PARD3: variants seen among roughly 807,000 people sequenced by gnomAD.
PARD3 encodes partitioning defective 3 homolog.
Under a neutral mutation model 155.4 loss-of-function variants are expected in PARD3, and 75 were observed. The observed-to-expected ratio is 0.48, with a 90% CI of 0.40 to 0.58. The LOEUF is 0.58. Among genes scored for constraint, PARD3 ranks in the 20% least tolerant of loss-of-function variants. The probability of loss-of-function intolerance (pLI) is 0.00; values close to 1 mark genes in which losing one functional copy is unlikely to be tolerated. For missense variants in PARD3, 1,642 were observed against 1,721.7 expected (o/e 0.95, Z 0.82); for synonymous variants, 576 against 610.5 (o/e 0.94, Z 0.83).
At chr10:34,779,028 A>G (rs1839924855) in intron 1 of PARD3, among the ~76,000 whole-genome samples, 1 of 152,330 alleles carries the variant, frequency 6.6e-6, no homozygotes, top group African/African-American at 2.4e-5. Context: ...AAACTAAAGC[A>G]GGCTGGGCAC....
chr10:34,308,544 G>A (rs572241009), intron 20 of PARD3, among the ~76,000 whole-genome samples: 4 of 152,304 alleles, frequency 2.6e-5, no homozygotes, highest in African/African-American at 9.6e-5. Flanking sequence ...AACCAACTGA[G>A]AAGACAGAAC....
chr10:34,690,135 G>C (rs562228939), intron 2 of PARD3, among the ~76,000 whole-genome samples: 50 of 152,200 alleles, frequency 3.3e-4, no homozygotes, highest in Non-Finnish European at 4.7e-4. Flanking sequence ...GTAGAGATGG[G>C]ATTTCGCCAT....
rs529029103 is a variant in PARD3, at chr10:34,110,696, G to C, written c.*473C>G. 6.5e-6 allele frequency: 1 copy of C among 153,140 alleles called. No individual in the cohort carries two copies. Among genetic ancestry groups the C allele is most frequent in the East Asian group, 1.9e-4 (1 of 5,194 alleles). 9.5% of individuals were successfully genotyped at this position (153,140 alleles called of 1,614,324 possible). Reference sequence around the variant, plus strand: ...AAAGTACGACAAATGGCTGTGCTGTGAAGTACCAGAAAGCCCCAATTTTTG... The same window carrying C: ...AAAGTACGACAAATGGCTGTGCTGTCAAGTACCAGAAAGCCCCAATTTTTG... On this transcript the variant is annotated 3_prime_UTR_variant, in exon 25 of 25. Coordinates refer to ENST00000374788, the MANE Select transcript of PARD3 (RefSeq NM_001184785.2).
intron 22 of PARD3, among the ~76,000 whole-genome samples, chr10:34,160,988 G>A (rs1949250773): frequency 6.6e-6 from 1 of 152,162 alleles, no homozygotes; most frequent in African/African-American, 2.4e-5. Context: ...AGGTGTGGTG[G>A]CTCATGCCTG....
chr10:34,653,794 C>CAAAA (rs55894819), intron 2 of PARD3, among the ~76,000 whole-genome samples: 7 of 130,280 alleles, frequency 5.4e-5, no homozygotes, highest in East Asian at 2.2e-4. Flanking sequence ...ACCTCGACTC[C>CAAAA]AAAAAAAAAA....
At chr10:34,220,826 T>C (rs1410323738) in intron 22 of PARD3, among the ~76,000 whole-genome samples, 1 of 152,200 alleles carries the variant, frequency 6.6e-6, no homozygotes, top group Non-Finnish European at 1.5e-5. Context: ...CAGTTTGAAT[T>C]AGTTAAATGG....
At chr10:34,787,106 G>C (rs7912526) in intron 1 of PARD3, among the ~76,000 whole-genome samples, 53,658 of 152,000 alleles carry the variant, frequency 0.35, 10,612 homozygotes, top group African/African-American at 0.55. Flanking sequence ...GATAGGCCAG[G>C]CACAGTGGCT....
chr10:34,355,946 ACAAAACAAAACCAAAC>A (rs1211508607), intron 14 of PARD3, among the ~76,000 whole-genome samples: 3 of 103,936 alleles, frequency 2.9e-5, no homozygotes, highest in Middle Eastern at 4.3e-3. Context: ...AAAAAAAAAA[ACAAAACAAAACCAAAC>A]AAAAAAACAG....
intron 2 of PARD3, among the ~76,000 whole-genome samples, chr10:34,665,002 A>G (rs2093415051): frequency 6.6e-6 from 1 of 151,862 alleles, no homozygotes; most frequent in South Asian, 2.1e-4. Flanking sequence ...AGAGAGGGAG[A>G]GACAGAGACA....
At chr10:34,382,388 A>T (rs1841950790) in intron 9 of PARD3, 152 bp downstream of exon 9, 3 of 717,774 alleles carry the variant, frequency 4.2e-6, no homozygotes, top group Non-Finnish European at 6.8e-6. Context: ...AAGTAACTTT[A>T]AAAAATCTAT....
intron 20 of PARD3, among the ~76,000 whole-genome samples, chr10:34,299,794 C>T (rs1034409218): frequency 1.3e-5 from 2 of 152,072 alleles, no homozygotes; most frequent in African/African-American, 4.8e-5. Flanking sequence ...TAGTGGTAAC[C>T]CATTTAAAGA....
At chr10:34,431,990 C>T (rs1307438683) in intron 5 of PARD3, among the ~76,000 whole-genome samples, 1 of 120,322 alleles carries the variant, frequency 8.3e-6, no homozygotes, top group Non-Finnish European at 1.6e-5. Context: ...TGCAGTGAGC[C>T]GAGATCACGC....
intron 22 of PARD3, among the ~76,000 whole-genome samples, chr10:34,135,672 C>T (rs1046368172): frequency 2.0e-5 from 3 of 152,194 alleles, no homozygotes; most frequent in African/African-American, 7.2e-5. Flanking sequence ...CTGTGCCCCA[C>T]AGGCAAGCCA....
At chr10:34,806,361 A>G (rs117140457) in intron 1 of PARD3, among the ~76,000 whole-genome samples, 2,309 of 152,026 alleles carry the variant, frequency 0.015, 28 homozygotes, top group Non-Finnish European at 0.022. Context: ...ATGCCCAGCT[A>G]TTTTTTGTAC....
chr10:34,337,918 A>T (rs993398098), intron 16 of PARD3, among the ~76,000 whole-genome samples: 8 of 152,262 alleles, frequency 5.3e-5, no homozygotes, highest in Non-Finnish European at 8.8e-5. Context: ...AAATGCCATT[A>T]TGGCATGCCA....
intron 1 of PARD3, among the ~76,000 whole-genome samples, chr10:34,704,719 A>C (rs960784676): frequency 6.6e-6 from 1 of 152,250 alleles, no homozygotes; most frequent in African/African-American, 2.4e-5. Context: ...GTGCTATCTG[A>C]TCATGTGCAC....
intron 5 of PARD3, among the ~76,000 whole-genome samples, chr10:34,403,290 A>G (rs975146046): frequency 1.3e-5 from 2 of 152,194 alleles, no homozygotes; most frequent in Non-Finnish European, 2.9e-5. Flanking sequence ...TTTCAACATA[A>G]TTCATAGGTG....
intron 5 of PARD3, among the ~76,000 whole-genome samples, chr10:34,445,464 G>C (rs1759517679): frequency 6.6e-6 from 1 of 152,102 alleles, no homozygotes; most frequent in Non-Finnish European, 1.5e-5. Flanking sequence ...TTCAGGAATG[G>C]AACATCATTT....
chr10:34,536,617 G>C (rs1473222894), intron 2 of PARD3, among the ~76,000 whole-genome samples: 1 of 152,166 alleles, frequency 6.6e-6, no homozygotes, highest in Non-Finnish European at 1.5e-5. Flanking sequence ...AAACCATCAC[G>C]TTTTCTTGTA....
Sources: allele counts gnomAD v4.1 joint callset (sites outside exome capture counted in the v4.1 genomes callset), GRCh38; gene constraint gnomAD v4.1.1; transcripts MANE v1.5; gene names NCBI Gene and HGNC (gene_info 2026-07-23, HGNC 2026-07-21).